Variants in PRSS48 observed in about 807,000 individuals in gnomAD.
PRSS48 encodes the protein epidermis-specific serine protease-like protein.
A neutral mutation model predicts 25.6 loss-of-function variants in PRSS48; 21 were observed. The ratio of observed to expected loss-of-function variants is 0.82; its 90% confidence interval spans 0.58 to 1.18. PRSS48 has a LOEUF of 1.18. Among genes scored for constraint, PRSS48 ranks in the 50% most tolerant of loss-of-function variants. PRSS48 has a pLI of 0.00. For synonymous variants in PRSS48, 150 were observed against 149.3 expected (o/e 1.00, Z -0.04); for missense variants, 373 against 399.3 (o/e 0.93, Z 0.56).
intron 1 of PRSS48, chr4:151,279,228 TTTTC>T (rs1258038527): frequency 1.9e-5 from 4 of 210,916 alleles, no homozygotes; most frequent in Non-Finnish European, 3.7e-5. Flanking sequence ...GTGGAAATCT[TTTTC>T]TTTTTCAATT....
At chr4:151,280,380 C>T (rs1774099099) in intron 2 of PRSS48, among the ~76,000 whole-genome samples, 1 of 152,130 alleles carries the variant, frequency 6.6e-6, no homozygotes, top group African/African-American at 2.4e-5. Context: ...AGTTTGGACA[C>T]AGATCCTCCC....
chr4:151,286,591 A>C (rs1458082940), intron 4 of PRSS48, among the ~76,000 whole-genome samples: 1 of 150,360 alleles, frequency 6.7e-6, no homozygotes, highest in East Asian at 2.0e-4. Context: ...AAGAGATTGC[A>C]TTTGTGATTA....
intron 1 of PRSS48, among the ~76,000 whole-genome samples, chr4:151,277,819 T>C (rs943406976): frequency 6.6e-6 from 1 of 152,158 alleles, no homozygotes; most frequent in Admixed American, 6.5e-5. Context: ...GGCGGGCAGA[T>C]CACCTGAGAT....
intron 1 of PRSS48, chr4:151,278,927 CCAGT>C (rs1224446007): frequency 5.5e-6 from 1 of 183,062 alleles, no homozygotes; most frequent in Non-Finnish European, 1.1e-5. Context: ...GTCACTGTGC[CCAGT>C]CAATCTTACC....
rs192899017 is a variant in PRSS48 at position 151,287,519 on chromosome 4, C to T, written c.652-3599C>T. On this transcript the variant is annotated intron_variant, in intron 4 of 4. Transcript: ENST00000455694. ...CAACATATAAAAAGGACTATATATA[C>T]CGGAATGCCGATTTCATGTTTCAAC... 5.3e-3 allele frequency among the ~76,000 whole-genome samples: 807 copies of T among 152,104 alleles called. 6 individuals are homozygous for T. The highest frequency in any genetic ancestry group is 0.018 in the African/African-American group (756 of 41,500).
At chr4:151,291,647 G>A (rs180926758), downstream of PRSS48, among the ~76,000 whole-genome samples, 1 of 152,128 alleles carries the variant, frequency 6.6e-6, no homozygotes, top group Admixed American at 6.5e-5. Context: ...CTATGAATAA[G>A]CATTTGTAGA....
chr4:151,288,475 A>G (rs1468069614), intron 4 of PRSS48, among the ~76,000 whole-genome samples: 9 of 152,146 alleles, frequency 5.9e-5, no homozygotes, highest in Admixed American at 5.2e-4. Flanking sequence ...GGCTGGGGGC[A>G]GTGGCTCAGG....
chr4:151,290,599 T>G (rs1775224432), intron 4 of PRSS48, among the ~76,000 whole-genome samples: 1 of 152,214 alleles, frequency 6.6e-6, no homozygotes, highest in Non-Finnish European at 1.5e-5. Flanking sequence ...ATAAAAATGT[T>G]CTAAAATGGG....
At chr4:151,279,769 A>G in intron 1 of PRSS48, 27 bp from the exon 2 acceptor site, 2 of 1,611,230 alleles carry the variant, frequency 1.2e-6, no homozygotes, top group Non-Finnish European at 8.5e-7. Context: ...CTAGGTTTCC[A>G]CATTTCCCTT....
At chr4:151,277,983 G>A (rs1773809285) in intron 1 of PRSS48, among the ~76,000 whole-genome samples, 1 of 152,180 alleles carries the variant, frequency 6.6e-6, no homozygotes, top group South Asian at 2.1e-4. Context: ...GGAGGTTGCA[G>A]TAAGCCGAGA....
At chr4:151,277,976 G>A (rs1163528558) in intron 1 of PRSS48, among the ~76,000 whole-genome samples, 6 of 152,300 alleles carry the variant, frequency 3.9e-5, no homozygotes, top group African/African-American at 1.4e-4. Context: ...GGAAAGTGGA[G>A]GTTGCAGTAA....
intron 3 of PRSS48, among the ~76,000 whole-genome samples, chr4:151,282,805 C>A (rs952830512): frequency 6.6e-6 from 1 of 152,036 alleles, no homozygotes; most frequent in Non-Finnish European, 1.5e-5. Flanking sequence ...AAGCAAAAAA[C>A]ATGGGAAAGG....
intron 4 of PRSS48, among the ~76,000 whole-genome samples, chr4:151,286,854 C>G (rs1774839214): frequency 6.6e-6 from 1 of 151,704 alleles, no homozygotes; most frequent in Non-Finnish European, 1.5e-5. Context: ...GTGGCATGTG[C>G]CTGTATTCCC....
chr4:151,290,689 G>C (rs571359329), intron 4 of PRSS48, among the ~76,000 whole-genome samples: 2 of 152,116 alleles, frequency 1.3e-5, no homozygotes, highest in South Asian at 2.1e-4. Context: ...TGACAGTAAA[G>C]CTGTTACAAA....
At position 151,279,978 on chromosome 4, in the gene PRSS48, T is replaced by C. The variant is rs781069585; in HGVS notation, c.215+20T>C. 7.3e-7 allele frequency: 1 copy of C among 1,365,950 alleles called. No homozygotes were observed. The highest frequency in any genetic ancestry group is 9.7e-7 in the Non-Finnish European group (1 of 1,030,264). The allele number at this position is 1,365,950 out of a possible 1,614,324, so 84.6% of individuals were successfully genotyped here. A position where few individuals can be genotyped will look rare whatever the true frequency, so the allele number is the denominator to read the frequency against. ...ACAACCGTGAGTTCTAGCTGGCAGCTAACACACAGACAGGTTCTCAGTGAA... is the reference window on the plus strand; with the variant it reads ...ACAACCGTGAGTTCTAGCTGGCAGCCAACACACAGACAGGTTCTCAGTGAA... On this transcript the variant is annotated intron_variant, in intron 2 of 4. Transcript: ENST00000455694.
At chr4:151,285,238 C>T (rs1774631218) in intron 4 of PRSS48, among the ~76,000 whole-genome samples, 1 of 152,088 alleles carries the variant, frequency 6.6e-6, no homozygotes, top group Non-Finnish European at 1.5e-5. Context: ...CAGAGTTTGT[C>T]AGAGACAAGT....
chr4:151,284,171 C>T (rs569759229), intron 4 of PRSS48, among the ~76,000 whole-genome samples: 372 of 152,180 alleles, frequency 2.4e-3, no homozygotes, highest in Non-Finnish European at 4.5e-3. Flanking sequence ...AACTATTCTG[C>T]CTCATTTCTC....
At chr4:151,282,127 C>T in intron 2 of PRSS48, 21 bp from the exon 3 acceptor site, 3 of 1,611,558 alleles carry the variant, frequency 1.9e-6, no homozygotes, top group Non-Finnish European at 2.5e-6. Context: ...CATAAGCAGG[C>T]CTCCTTTCTT....
intron 4 of PRSS48, among the ~76,000 whole-genome samples, chr4:151,283,550 C>T (rs1774456711): frequency 7.0e-6 from 1 of 143,390 alleles, no homozygotes. Context: ...CAGAGCCTTG[C>T]TCTGTCACCC....
Sources: allele counts gnomAD v4.1 joint callset (sites outside exome capture counted in the v4.1 genomes callset), GRCh38; gene constraint gnomAD v4.1.1; transcripts MANE v1.5; gene names NCBI Gene and HGNC (gene_info 2026-07-23, HGNC 2026-07-21).